ABCB4: variants seen among roughly 807,000 people sequenced by gnomAD.
ABCB4 encodes the protein phosphatidylcholine translocator ABCB4.
A neutral mutation model predicts 145.7 loss-of-function variants in ABCB4; 76 were observed. The observed-to-expected ratio is 0.52, with a 90% CI of 0.43 to 0.63. The LOEUF is 0.63. ABCB4 is among the 30% of genes least tolerant of loss of function. The probability of loss-of-function intolerance (pLI) is 0.00; values close to 1 mark genes in which losing one functional copy is unlikely to be tolerated. For missense variants in ABCB4, 1,234 were observed against 1,553.1 expected (o/e 0.79, Z 3.45); for synonymous variants, 517 against 566.8 (o/e 0.91, Z 1.25).
the ABCB4 span, among the ~76,000 whole-genome samples, chr7:87,379,584 G>C: frequency 1.3e-5 from 2 of 152,172 alleles, no homozygotes; most frequent in Non-Finnish European, 2.9e-5. Flanking sequence ...AATCTTGTCT[G>C]TCTCTGAATA....
At chr7:87,473,755 T>TTA (rs1563010692) in intron 2 of ABCB4, among the ~76,000 whole-genome samples, 1 of 151,902 alleles carries the variant, frequency 6.6e-6, no homozygotes, top group Non-Finnish European at 1.5e-5. Context: ...GTATGATGAT[T>TTA]TATATATATA....
Position 87,451,618 on chromosome 7 carries a change from C to T in ABCB4, c.708+5G>A, listed in dbSNP as rs1811736237. The T allele has an allele frequency of 1.9e-6, 3 of 1,614,168 alleles. No individual in the cohort carries two copies. Among genetic ancestry groups the T allele is most frequent in the Non-Finnish European group, 2.5e-6 (3 of 1,180,018 alleles). On this transcript the variant is annotated splice_donor_5th_base_variant and intron_variant, in intron 7 of 27. Transcript: ENST00000649586. Reference sequence around the variant, plus strand: ...CACACATAAAAAGGCCCAGCTTTCACATACCTTTGCCCAAACGGCTGCAGA... The same window carrying T: ...CACACATAAAAAGGCCCAGCTTTCATATACCTTTGCCCAAACGGCTGCAGA...
Position 87,417,460 on chromosome 7 carries a change from C to A in ABCB4, c.2534G>T (p.Gly845Val). The A allele has an allele frequency of 2.5e-6, 4 of 1,614,128 alleles. No individual in the cohort carries two copies. Among genetic ancestry groups the A allele is most frequent in the Non-Finnish European group, 3.4e-6 (4 of 1,180,014 alleles). The change falls in exon 21 of 28, where the codon GGT (glycine) becomes GTT (valine). Residue 845 changes from glycine to valine, a missense_variant. Gly to Val is a moderately radical substitution (Grantham distance 109). This residue lies in a region of ABCB4 where 321 missense variants were observed against 332.6 expected (regional missense o/e 0.97). Transcript: ENST00000649586. ...IAQNIANLGT[G>V]IIISFIYGWQ... ...ACCGTAGATAAATGATATGATAATA[C>A]CAGTTCCAAGGTTAGCTATATTCTG...
chr7:87,465,607 G>A (rs1194348764), intron 3 of ABCB4, among the ~76,000 whole-genome samples: 1 of 152,182 alleles, frequency 6.6e-6, no homozygotes, highest in African/African-American at 2.4e-5. Context: ...GCCTTCTCAA[G>A]TGGGTCCCTG....
chr7:87,392,631 T>A, the ABCB4 span: 27 of 1,613,178 alleles, frequency 1.7e-5, no homozygotes, highest in Non-Finnish European at 2.0e-5. Context: ...TGAAAGATTG[T>A]TCAGCTGGAA....
the ABCB4 span, among the ~76,000 whole-genome samples, chr7:87,384,974 T>C: frequency 6.6e-6 from 1 of 152,194 alleles, no homozygotes; most frequent in East Asian, 1.9e-4. Flanking sequence ...GAGCCTGTCC[T>C]TTCCTTTGCT....
chr7:87,411,867 A>C, intron 23 of ABCB4, 26 bp downstream of exon 23: 1 of 1,606,874 alleles, frequency 6.2e-7, no homozygotes, highest in South Asian at 1.1e-5. Flanking sequence ...TTATAGAATA[A>C]TCTTAATATT....
chr7:87,386,885 AG>A, the ABCB4 span, among the ~76,000 whole-genome samples: 1 of 152,074 alleles, frequency 6.6e-6, no homozygotes, highest in Non-Finnish European at 1.5e-5. Context: ...TTTACCCTAT[AG>A]GCAAAGATGC....
intron 23 of ABCB4, among the ~76,000 whole-genome samples, chr7:87,410,318 A>C (rs1166184869): frequency 2.0e-5 from 3 of 152,172 alleles, no homozygotes; most frequent in Admixed American, 6.5e-5. Flanking sequence ...TCAAATTTCT[A>C]AAGCTAAGAT....
intron 21 of ABCB4, among the ~76,000 whole-genome samples, chr7:87,413,976 G>A (rs888301917): frequency 6.6e-6 from 1 of 152,210 alleles, no homozygotes; most frequent in Non-Finnish European, 1.5e-5. Context: ...ACTGTGGCCT[G>A]GGAACCAAGG....
intron 3 of ABCB4, among the ~76,000 whole-genome samples, chr7:87,470,100 C>G (rs1409026066): frequency 6.6e-6 from 1 of 152,102 alleles, no homozygotes; most frequent in Non-Finnish European, 1.5e-5. Context: ...ACAAACCTGA[C>G]AAAAACAAGA....
the ABCB4 span, chr7:87,391,788 A>T: frequency 7.1e-7 from 1 of 1,413,466 alleles, no homozygotes; most frequent in Non-Finnish European, 9.6e-7. Flanking sequence ...TGAGTAACTA[A>T]CTTCTTTGCT....
Position 87,443,319 on chromosome 7 carries a change from T to C in ABCB4, c.1356A>G (p.Thr452=). 6.2e-7 allele frequency: 1 copy of C among 1,614,048 alleles called. No individual in the cohort carries two copies. Among genetic ancestry groups the C allele is most frequent in the Non-Finnish European group, 8.5e-7 (1 of 1,179,940 alleles). ...IQRLYDPDEG[T]INIDGQDIRN... ...GGAAAGCTTGGTTCTTCCCACTTAC[T>C]GTGCCCTCATCAGGGTCATAGAGCC... Residue 452 remains threonine, a splice_region_variant and synonymous_variant, in exon 12 of 28, where the codon ACA becomes ACG. Transcript: ENST00000649586.
At position 87,440,079 on chromosome 7, in the gene ABCB4, T is replaced by C. The variant is rs992515734; in HGVS notation, c.1560+120A>G. 1.0e-5 allele frequency: 13 copies of C among 1,240,986 alleles called. No individual in the cohort carries two copies. In the African/African-American group the frequency reaches 1.2e-4, roughly 11 times the overall value. 76.9% of individuals were successfully genotyped at this position (1,240,986 alleles called of 1,614,324 possible). A position where few individuals can be genotyped will look rare whatever the true frequency, so the allele number is the denominator to read the frequency against. ...CTAACTGAGTCATTCAGGGGACTTA[T>C]CTAGCAAAGTTGGACAATCTTGCAT... On this transcript the variant is annotated intron_variant, in intron 13 of 27. Transcript: ENST00000649586.
chr7:87,457,116 A>G (rs1461495140), intron 4 of ABCB4, among the ~76,000 whole-genome samples: 1 of 152,180 alleles, frequency 6.6e-6, no homozygotes. Context: ...CCAGAGCATC[A>G]CATTTTTATA....
At chr7:87,409,973 T>G (rs1326968082) in intron 23 of ABCB4, among the ~76,000 whole-genome samples, 1 of 152,226 alleles carries the variant, frequency 6.6e-6, no homozygotes, top group Non-Finnish European at 1.5e-5. Flanking sequence ...TCAGTTATTA[T>G]GCTTAGTATC....
At chr7:87,428,951 C>T (rs1182522110) in intron 15 of ABCB4, among the ~76,000 whole-genome samples, 1 of 151,914 alleles carries the variant, frequency 6.6e-6, no homozygotes, top group East Asian at 1.9e-4. Flanking sequence ...GAATGCATTA[C>T]CTTTATAATC....
intron 14 of ABCB4, among the ~76,000 whole-genome samples, chr7:87,434,728 CAG>C (rs1810495667): frequency 6.6e-6 from 1 of 151,468 alleles, no homozygotes; most frequent in Non-Finnish European, 1.5e-5. Flanking sequence ...AGCCTGGAGA[CAG>C]AGCGAGACTC....
At position 87,406,400 on chromosome 7, in the gene ABCB4, C is replaced by G; in HGVS notation, c.3374G>C (p.Ser1125Thr). ...TCCATAGGCAATATTCTCGGCAATG[C>G]TGCAGTCAAATAGGATAGGCTCCTG... Reference protein sequence around the residue: ...VSQEPILFDCSIAENIAYGDN... With the variant: ...VSQEPILFDCTIAENIAYGDN... The change falls in exon 26 of 28, where the codon AGC becomes ACC. Residue 1125 changes from serine (S) to threonine (T), a missense_variant. Ser to Thr is a moderately conservative substitution (Grantham distance 58). Coordinates refer to ENST00000649586, the MANE Select transcript of ABCB4 (RefSeq NM_000443.4). 6.2e-7 allele frequency: 1 copy of G among 1,614,058 alleles called. No individual in the cohort carries two copies. Among genetic ancestry groups the G allele is most frequent in the Non-Finnish European group, 8.5e-7 (1 of 1,180,002 alleles).
Sources: gnomAD v4.1 joint callset for allele counts (sites outside exome capture counted in the v4.1 genomes callset) on GRCh38, gnomAD v4.1.1 for gene constraint, gnomAD v4.1.1 regional missense constraint, MANE v1.5 for transcripts, NCBI Gene and HGNC (gene_info 2026-07-23, HGNC 2026-07-21) for gene names.